Variants in ASH1L observed in about 807,000 individuals in gnomAD.
The protein encoded by ASH1L is ASH1 like histone lysine methyltransferase.
Under a neutral mutation model 269.0 loss-of-function variants are expected in ASH1L, and 23 were observed. The observed-to-expected ratio is 0.09, with a 90% CI of 0.06 to 0.12. ASH1L has a LOEUF of 0.12. Among genes scored for constraint, ASH1L ranks in the 10% least tolerant of loss-of-function variants. The probability of loss-of-function intolerance (pLI) is 1.00; values close to 1 mark genes in which losing one functional copy is unlikely to be tolerated. For synonymous variants in ASH1L, 1,187 were observed against 1,253.5 expected (o/e 0.95, Z 1.12); for missense variants, 2,912 against 3,567.8 (o/e 0.82, Z 4.68).
chr1:155,445,431 C>T (rs545170793), intron 4 of ASH1L, among the ~76,000 whole-genome samples: 1 of 152,074 alleles, frequency 6.6e-6, no homozygotes, highest in South Asian at 2.1e-4. Context: ...GTGATCTGCC[C>T]ACCTCAGCAT....
At position 155,554,465 on chromosome 1, in the gene ASH1L, T is replaced by C. The variant is rs190696275; in HGVS notation, c.-100+7688A>G. Among the ~76,000 whole-genome samples, 285 of 152,186 alleles carry C rather than the reference T, an allele frequency of 1.9e-3. 1 individual carries two copies. Among genetic ancestry groups the C allele is most frequent in the African/African-American group, 6.6e-3 (276 of 41,546 alleles). On this transcript the variant is annotated intron_variant, in intron 1 of 27. Transcript: ENST00000392403. ...TTTTGTATTTTTAGTAGAGATGGGATTTCTCCATGTTGGTCAGGCTGGTCT... is the reference window on the plus strand; with the variant it reads ...TTTTGTATTTTTAGTAGAGATGGGACTTCTCCATGTTGGTCAGGCTGGTCT...
chr1:155,560,089 TAG>T (rs1335840913), intron 1 of ASH1L, among the ~76,000 whole-genome samples: 9 of 152,282 alleles, frequency 5.9e-5, no homozygotes, highest in Admixed American at 5.2e-4. Flanking sequence ...TCAAATACCA[TAG>T]ACTCTTTCAT....
At chr1:155,376,673 G>C (rs1461142869) in intron 10 of ASH1L, among the ~76,000 whole-genome samples, 1 of 150,444 alleles carries the variant, frequency 6.6e-6, no homozygotes, top group Non-Finnish European at 1.5e-5. Context: ...GCGCGACTCT[G>C]TCTCAAAAAA....
chr1:155,552,478 AAAG>A (rs1049926653), intron 1 of ASH1L, among the ~76,000 whole-genome samples: 2 of 151,660 alleles, frequency 1.3e-5, no homozygotes, highest in African/African-American at 4.8e-5. Context: ...AAAAAAACAA[AAAG>A]AAGTTTTGAT....
At chr1:155,563,087 C>T, upstream of ASH1L, 1 of 458,092 alleles carries the variant, frequency 2.2e-6, no homozygotes, top group South Asian at 1.5e-5. Context: ...CTGGGCTCCT[C>T]GCCGCAGCGC....
chr1:155,481,566 G>T lies in ASH1L; in HGVS notation c.1304C>A (p.Pro435Gln), dbSNP rs756702506. The change falls in exon 3 of 28, where the codon CCG becomes CAG. Residue 435 changes from proline (P) to glutamine (Q), a missense_variant. Physicochemically the swap from Pro to Gln is moderately conservative, Grantham distance 76. This residue lies in a region of ASH1L where 715 missense variants were observed against 721.0 expected (regional missense o/e 0.99). Coordinates refer to ENST00000392403, the MANE Select transcript of ASH1L (RefSeq NM_018489.3). ...GTTTGTACTACAAGAAGCCTTAAGC[G>T]GTTCCTGAGTGGGGAGCAGTGCTTC... ...KAEALLPTQEPLKASCSTNIN... is the reference protein window; with the variant it reads ...KAEALLPTQEQLKASCSTNIN... 1 of 1,614,020 alleles carries T rather than the reference G, an allele frequency of 6.2e-7. No homozygotes were observed. Among genetic ancestry groups the T allele is most frequent in the Non-Finnish European group, 8.5e-7 (1 of 1,180,016 alleles).
chr1:155,506,479 C>T (rs562968990), intron 2 of ASH1L, among the ~76,000 whole-genome samples: 150 of 151,638 alleles, frequency 9.9e-4, no homozygotes, highest in African/African-American at 3.5e-3. Context: ...GGTGGATCAC[C>T]TGAGGTCAGG....
At chr1:155,505,125 A>G (rs1336120109) in intron 2 of ASH1L, among the ~76,000 whole-genome samples, 7 of 152,146 alleles carry the variant, frequency 4.6e-5, no homozygotes, top group Admixed American at 1.3e-4. Flanking sequence ...CTCATTATTT[A>G]TATTTTCTTA....
chr1:155,395,375 A>G, intron 7 of ASH1L, 84 bp downstream of exon 7: 1 of 1,018,520 alleles, frequency 9.8e-7, no homozygotes, highest in Non-Finnish European at 1.4e-6. Flanking sequence ...AATAGAAATA[A>G]TAACAAGATT....
chr1:155,357,132 TTAAAAAAAAAAAAAA>T (rs1489576153), intron 15 of ASH1L, among the ~76,000 whole-genome samples, 169 bp downstream of exon 15: 3 of 6,630 alleles, frequency 4.5e-4, no homozygotes, highest in Admixed American at 3.8e-3. Flanking sequence ...AGGGTAAGAC[TTAAAAAAAAAAAAAA>T]AAAAAAAAAA....
chr1:155,508,303 T>C (rs556604799), intron 2 of ASH1L, among the ~76,000 whole-genome samples: 69 of 152,310 alleles, frequency 4.5e-4, no homozygotes, highest in African/African-American at 1.6e-3. Flanking sequence ...AAGTTTTTCT[T>C]TCCACTTGGG....
At chr1:155,497,999 G>A (rs1667268880) in intron 2 of ASH1L, among the ~76,000 whole-genome samples, 2 of 151,976 alleles carry the variant, frequency 1.3e-5, no homozygotes, top group South Asian at 2.1e-4. Flanking sequence ...AGATCCACCC[G>A]CCTCGGCCTC....
intron 5 of ASH1L, among the ~76,000 whole-genome samples, chr1:155,427,132 A>ATTTTT (rs67465671): frequency 1.0e-5 from 1 of 96,080 alleles, no homozygotes; most frequent in African/African-American, 3.5e-5. Context: ...CTCTGATATA[A>ATTTTT]TTTTTTTTTT....
intron 1 of ASH1L, among the ~76,000 whole-genome samples, chr1:155,532,112 T>G (rs1001132948): frequency 6.6e-6 from 1 of 152,224 alleles, no homozygotes; most frequent in African/African-American, 2.4e-5. Flanking sequence ...TGCTAGAATC[T>G]CTTCACTCAA....
chr1:155,468,853 G>A (rs551853151), intron 3 of ASH1L, among the ~76,000 whole-genome samples: 5 of 152,056 alleles, frequency 3.3e-5, no homozygotes, highest in African/African-American at 7.2e-5. Flanking sequence ...ACTTCAAAAA[G>A]CAACCTGACA....
chr1:155,433,200 G>T, intron 5 of ASH1L: 1 of 1,543,156 alleles, frequency 6.5e-7, no homozygotes, highest in East Asian at 2.4e-5. Flanking sequence ...ACCTGGCTTC[G>T]GATGCCTGCC....
chr1:155,453,172 T>C (rs1663616841), intron 4 of ASH1L, among the ~76,000 whole-genome samples: 2 of 151,476 alleles, frequency 1.3e-5, no homozygotes, highest in African/African-American at 2.4e-5. Flanking sequence ...CTGGCTAACA[T>C]GGCAAAACCC....
At chr1:155,446,652 C>T (rs1253789039) in intron 4 of ASH1L, among the ~76,000 whole-genome samples, 20 of 140,372 alleles carry the variant, frequency 1.4e-4, no homozygotes, top group South Asian at 6.8e-4. Context: ...GACGGAGTCT[C>T]GCTCTGTCGC....
At chr1:155,471,073 T>C (rs1260919134) in intron 3 of ASH1L, among the ~76,000 whole-genome samples, 1 of 152,230 alleles carries the variant, frequency 6.6e-6, no homozygotes, top group Non-Finnish European at 1.5e-5. Context: ...ACTAAACCTA[T>C]TCTCACATCT....
Sources: allele counts gnomAD v4.1 joint callset (sites outside exome capture counted in the v4.1 genomes callset), GRCh38; gene constraint gnomAD v4.1.1; regional missense constraint gnomAD v4.1.1; transcripts MANE v1.5; gene names NCBI Gene and HGNC (gene_info 2026-07-23, HGNC 2026-07-21).